Variants in ALX1 observed in about 807,000 individuals in gnomAD.
The protein encoded by ALX1 is ALX homeobox 1.
In ALX1, 19 loss-of-function variants were observed where a neutral mutation model predicts 31.7. The observed-to-expected ratio is 0.60, with a 90% CI of 0.42 to 0.88. ALX1 has a LOEUF of 0.88. Ranked by LOEUF, ALX1 falls within the 40% of genes least tolerant of loss-of-function variation. ALX1 has a pLI of 0.00. For missense variants in ALX1, 415 were observed against 407.8 expected (o/e 1.02, Z -0.15); for synonymous variants, 153 against 148.8 (o/e 1.03, Z -0.20).
At chr12:85,293,376 T>C (rs1896844790) in intron 3 of ALX1, among the ~76,000 whole-genome samples, 1 of 150,438 alleles carries the variant, frequency 6.6e-6, no homozygotes, top group South Asian at 2.1e-4. Flanking sequence ...TTTGTTGAAA[T>C]ATTTTAATTT....
intron 3 of ALX1, among the ~76,000 whole-genome samples, chr12:85,295,126 A>G (rs1486274375): frequency 6.6e-6 from 1 of 151,308 alleles, no homozygotes; most frequent in Non-Finnish European, 1.5e-5. Flanking sequence ...TTCATTGCTT[A>G]ATTAATTCAA....
chr12:85,282,931 G>A (rs1896697324), intron 1 of ALX1, among the ~76,000 whole-genome samples: 2 of 151,390 alleles, frequency 1.3e-5, no homozygotes, highest in South Asian at 2.1e-4. Flanking sequence ...TCTAATTTCC[G>A]ATAGAAAGCG....
At chr12:85,282,244 G>GTT (rs1896684457) in intron 1 of ALX1, among the ~76,000 whole-genome samples, 1 of 151,266 alleles carries the variant, frequency 6.6e-6, no homozygotes, top group East Asian at 1.9e-4. Context: ...TAAAAAATTT[G>GTT]TTATATATAT....
At position 85,286,988 on chromosome 12, in the gene ALX1, T is replaced by C. The variant is rs1411922953; in HGVS notation, c.660+7T>C. 2 of 1,611,660 alleles carry C rather than the reference T, an allele frequency of 1.2e-6. No homozygotes were observed. The stretch of plus-strand genomic sequence containing the variant: ...GACTGACAGCTACCCACAGGTATGC[T>C]AAACTACACAGAATACTGATCAAGA... On this transcript the variant is annotated splice_region_variant and intron_variant, in intron 3 of 3. Coordinates refer to ENST00000316824, the MANE Select transcript of ALX1 (RefSeq NM_006982.3).
chr12:85,280,896 T>C (rs1896662614), intron 1 of ALX1, among the ~76,000 whole-genome samples: 1 of 151,362 alleles, frequency 6.6e-6, no homozygotes, highest in Non-Finnish European at 1.5e-5. Flanking sequence ...CGATCACAGC[T>C]CGTTAGAGTA....
chr12:85,293,191 G>A (rs561420237), intron 3 of ALX1, among the ~76,000 whole-genome samples: 9 of 149,552 alleles, frequency 6.0e-5, no homozygotes, highest in Admixed American at 2.0e-4. Flanking sequence ...TTTTTGCAGC[G>A]AGTAAATATA....
At chr12:85,283,495 A>G in intron 1 of ALX1, 77 bp from the exon 2 acceptor site, 4 of 1,480,990 alleles carry the variant, frequency 2.7e-6, no homozygotes, top group African/African-American at 1.4e-5. Context: ...GATACTCTCA[A>G]TTACTTCTAC....
intron 2 of ALX1, among the ~76,000 whole-genome samples, chr12:85,284,145 A>G (rs777672307): frequency 1.3e-5 from 2 of 152,104 alleles, no homozygotes; most frequent in Non-Finnish European, 2.9e-5. Flanking sequence ...ATGATAATAT[A>G]TCTCTGATTT....
At chr12:85,287,562 A>T (rs1474892673) in intron 3 of ALX1, among the ~76,000 whole-genome samples, 1 of 151,492 alleles carries the variant, frequency 6.6e-6, no homozygotes, top group African/African-American at 2.4e-5. Flanking sequence ...TTAAAAGTTA[A>T]TCACAGATGA....
chr12:85,280,524 C>T, intron 1 of ALX1, 37 bp downstream of exon 1: 1 of 1,599,586 alleles, frequency 6.3e-7, no homozygotes, highest in Non-Finnish European at 8.5e-7. Context: ...CCGCCGCAGC[C>T]CTTCCGCAAT....
chr12:85,281,082 C>CTT (rs138742385), intron 1 of ALX1, among the ~76,000 whole-genome samples: 1 of 151,794 alleles, frequency 6.6e-6, no homozygotes, highest in African/African-American at 2.4e-5. Context: ...GTAATTTCTG[C>CTT]TTTTTTTTGC....
intron 2 of ALX1, among the ~76,000 whole-genome samples, chr12:85,285,192 C>T (rs560871996): frequency 2.6e-5 from 4 of 152,002 alleles, no homozygotes; most frequent in Non-Finnish European, 5.9e-5. Context: ...GTACATAATG[C>T]ATCTTTTCCC....
In ALX1 at chr12:85,293,746, C is replaced by A. The variant is rs987356241; in HGVS notation, c.660+6765C>A. Among the ~76,000 whole-genome samples the A allele has an allele frequency of 2.0e-5, 3 of 151,026 alleles. No individual in the cohort carries two copies. The Admixed American group carries it at 2.0e-4, about 10-fold the overall frequency. On this transcript the variant is annotated intron_variant, in intron 3 of 3. Coordinates refer to ENST00000316824, the MANE Select transcript of ALX1 (RefSeq NM_006982.3). ...CAACGTTAGCTTATACATATAAAAA[C>A]CTCACAAGAAGATGGAGAAATAACA...
Position 85,280,507 on chromosome 12 carries a change from G to T in ALX1, c.226+20G>T. ...GCAGCGGTGAGTCGCTAGCGCCCCAGCCGGAGCCGCCGCAGCCCTTCCGCA... is the reference window on the plus strand; with the variant it reads ...GCAGCGGTGAGTCGCTAGCGCCCCATCCGGAGCCGCCGCAGCCCTTCCGCA... On this transcript the variant is annotated intron_variant, in intron 1 of 3. Transcript: ENST00000316824. 6.2e-7 allele frequency: 1 copy of T among 1,605,868 alleles called. No individual in the cohort carries two copies. Among genetic ancestry groups the T allele is most frequent in the Non-Finnish European group, 8.5e-7 (1 of 1,178,142 alleles).
In ALX1 at chr12:85,287,110, A is replaced by C. The variant is rs184717593; in HGVS notation, c.660+129A>C. The C allele has an allele frequency of 1.2e-4, 134 of 1,097,588 alleles. 1 individual carries two copies. The East Asian group carries it at 2.3e-3, about 19-fold the overall frequency. 68.0% of individuals were successfully genotyped at this position (1,097,588 alleles called of 1,614,324 possible). On this transcript the variant is annotated intron_variant, in intron 3 of 3. Coordinates refer to ENST00000316824, the MANE Select transcript of ALX1 (RefSeq NM_006982.3). Reference sequence around the variant, plus strand: ...AATGAAAATCTAAGCTTCAGAAAACATTCTTCATGTCTGCTAAGTTTTAAT... The same window carrying C: ...AATGAAAATCTAAGCTTCAGAAAACCTTCTTCATGTCTGCTAAGTTTTAAT...
chr12:85,283,897 T>G (rs759784242), intron 2 of ALX1, 21 bp downstream of exon 2: 14 of 1,612,048 alleles, frequency 8.7e-6, no homozygotes, highest in Non-Finnish European at 1.2e-5. Context: ...AAAAGAGGCC[T>G]TGATGGATGG....
intron 3 of ALX1, among the ~76,000 whole-genome samples, chr12:85,293,591 T>A (rs1012856093): frequency 2.7e-5 from 4 of 150,694 alleles, no homozygotes; most frequent in Admixed American, 2.0e-4. Context: ...TATTCTAATG[T>A]GACTGTACAC....
intron 2 of ALX1, among the ~76,000 whole-genome samples, chr12:85,285,670 T>C (rs1949572153): frequency 6.6e-6 from 1 of 152,090 alleles, no homozygotes; most frequent in African/African-American, 2.4e-5. Context: ...AAGATTAGAA[T>C]TGAGTATGAA....
chr12:85,286,749 AT>A (rs11431154), intron 2 of ALX1, 103 bp from the exon 3 acceptor site: 6 of 1,119,200 alleles, frequency 5.4e-6, no homozygotes, highest in South Asian at 1.6e-5. Flanking sequence ...TTTTTACGTA[AT>A]TTTTTTAACC....
Sources: gnomAD v4.1 joint callset for allele counts (sites outside exome capture counted in the v4.1 genomes callset) on GRCh38, gnomAD v4.1.1 for gene constraint, MANE v1.5 for transcripts, NCBI Gene and HGNC (gene_info 2026-07-23, HGNC 2026-07-21) for gene names.